The following RALY variants were observed in gnomAD, a reference collection of about 807,000 sequenced individuals.
The protein encoded by RALY is RALY heterogeneous nuclear ribonucleoprotein, also known as RNA-binding protein Raly.
Under a neutral mutation model 30.7 loss-of-function variants are expected in RALY, and 15 were observed. The ratio of observed to expected loss-of-function variants is 0.49; its 90% confidence interval spans 0.33 to 0.75. RALY has a LOEUF of 0.75. RALY is among the 30% of genes least tolerant of loss of function. The pLI, the probability that RALY is intolerant of heterozygous loss-of-function variation, is 0.02. For missense variants in RALY, 339 were observed against 414.3 expected, an observed-to-expected ratio of 0.82 and a Z score of 1.58; for synonymous variants, 177 against 170.8, an observed-to-expected ratio of 1.04 and a Z score of -0.28.
chr20:34,044,295 G>A (rs977107065), intron 2 of RALY, among the ~76,000 whole-genome samples: 2 of 152,032 alleles, frequency 1.3e-5, no homozygotes, highest in African/African-American at 4.8e-5. Context: ...CTATTTGTAC[G>A]AGTATGTAGC....
At chr20:34,055,123 G>A (rs959610056) in intron 2 of RALY, among the ~76,000 whole-genome samples, 3 of 152,122 alleles carry the variant, frequency 2.0e-5, no homozygotes, top group East Asian at 1.9e-4. Flanking sequence ...TACAGCCAAC[G>A]TATAGCAGAG....
intron 1 of RALY, among the ~76,000 whole-genome samples, chr20:34,017,979 TTC>T (rs1297699072): frequency 1.3e-5 from 2 of 152,084 alleles, no homozygotes; most frequent in African/African-American, 4.8e-5. Context: ...TGAATGGGGG[TTC>T]TCCTAGGGGA....
chr20:34,068,138 A>G (rs537011888), intron 2 of RALY, among the ~76,000 whole-genome samples: 4 of 152,272 alleles, frequency 2.6e-5, no homozygotes, highest in South Asian at 4.1e-4. Context: ...ACCAAGAACA[A>G]TCCTTCTACC....
Position 34,077,057 on chromosome 20 carries a change from G to T in RALY, c.688G>T (p.Ala230Ser). Residue 230 changes from alanine (A) to serine (S), a missense_variant, in exon 8 of 10, where the codon GCC (alanine) becomes TCC (serine). Ala to Ser is a moderately conservative substitution (Grantham distance 99). Around this residue, in one of 2 missense-constraint regions of RALY, gnomAD observed 268 missense variants for 280.6 expected, o/e 0.95. Coordinates refer to ENST00000246194, the MANE Select transcript of RALY (RefSeq NM_016732.3). The stretch of plus-strand genomic sequence containing the variant: ...CAAGAAGAAGGGTGATGGAGGTGGC[G>T]CCGGCGGCGGCGGCGGTGGTGGTGG... ...DGKKKGDGGGAGGGGGGGGSG... is the reference protein window; with the variant it reads ...DGKKKGDGGGSGGGGGGGGSG... 15 of 1,280,472 alleles carry T rather than the reference G, an allele frequency of 1.2e-5. No individual in the cohort carries two copies. The highest frequency in any genetic ancestry group is 1.6e-5 in the Non-Finnish European group (15 of 955,496). The allele number at this position is 1,280,472 out of a possible 1,614,324, so 79.3% of individuals were successfully genotyped here. A position where few individuals can be genotyped will look rare whatever the true frequency, so the allele number is the denominator to read the frequency against.
At chr20:34,039,196 G>T (rs2032607798) in intron 2 of RALY, among the ~76,000 whole-genome samples, 1 of 152,216 alleles carries the variant, frequency 6.6e-6, no homozygotes, top group Non-Finnish European at 1.5e-5. Flanking sequence ...ACAAAAAGCC[G>T]CTATCTATAG....
chr20:34,071,839 T>C (rs2033736647), intron 2 of RALY, among the ~76,000 whole-genome samples: 1 of 152,122 alleles, frequency 6.6e-6, no homozygotes, highest in African/African-American at 2.4e-5. Flanking sequence ...GCATATCATG[T>C]GAGTAACAAA....
At chr20:34,042,951 C>A (rs930879326) in intron 2 of RALY, among the ~76,000 whole-genome samples, 7 of 152,214 alleles carry the variant, frequency 4.6e-5, no homozygotes, top group African/African-American at 1.7e-4. Flanking sequence ...TTTTTGCCTT[C>A]CAAATTTTGG....
intron 2 of RALY, among the ~76,000 whole-genome samples, chr20:34,032,186 C>T (rs2032309084): frequency 6.6e-6 from 1 of 152,214 alleles, no homozygotes; most frequent in African/African-American, 2.4e-5. Context: ...TGGTCTCGAA[C>T]TCCCGACCTC....
intron 2 of RALY, among the ~76,000 whole-genome samples, chr20:34,064,679 T>C (rs2033518298): frequency 6.6e-6 from 1 of 152,174 alleles, no homozygotes. Context: ...GGAGATGACA[T>C]AGTAAAGAAC....
intron 2 of RALY, among the ~76,000 whole-genome samples, chr20:34,060,467 G>C (rs1388469184): frequency 1.3e-5 from 2 of 152,154 alleles, no homozygotes; most frequent in East Asian, 3.8e-4. Flanking sequence ...GTAGCAGCAG[G>C]AGCTAATATA....
At chr20:34,008,487 G>C (rs2031261645) in intron 1 of RALY, among the ~76,000 whole-genome samples, 1 of 152,168 alleles carries the variant, frequency 6.6e-6, no homozygotes, top group Admixed American at 6.5e-5. Flanking sequence ...TTCCATTTAG[G>C]GGAACCAAGC....
rs180783870 is a variant in RALY at position 34,054,620 on chromosome 20, G to A, written c.-9-17446G>A. Among the ~76,000 whole-genome samples, 480 of 152,272 alleles carry A rather than the reference G, an allele frequency of 3.2e-3. 12 individuals carry two copies. Among genetic ancestry groups the A allele is most frequent in the Admixed American group, 0.025 (382 of 15,288 alleles). On this transcript the variant is annotated intron_variant, in intron 2 of 9. Coordinates refer to ENST00000246194, the MANE Select transcript of RALY (RefSeq NM_016732.3). ...GCAGGTGGATCACTTGAGGTCAGGC[G>A]TTCGAGACCAGCCTGACCAATGTGG...
At chr20:34,074,328 C>T (rs536326199) in intron 5 of RALY, among the ~76,000 whole-genome samples, 3 of 152,256 alleles carry the variant, frequency 2.0e-5, no homozygotes, top group African/African-American at 4.8e-5. Flanking sequence ...TAGTCCCTGG[C>T]GGGCTGTGGT....
At chr20:34,058,005 C>G (rs2033304523) in intron 2 of RALY, among the ~76,000 whole-genome samples, 1 of 152,092 alleles carries the variant, frequency 6.6e-6, no homozygotes, top group Non-Finnish European at 1.5e-5. Flanking sequence ...ACACCTATTA[C>G]AGTTTTGGAG....
At chr20:34,012,027 C>A (rs909177473) in intron 1 of RALY, among the ~76,000 whole-genome samples, 5 of 151,026 alleles carry the variant, frequency 3.3e-5, no homozygotes, top group South Asian at 2.1e-4. Flanking sequence ...GCTTGCGCCA[C>A]TGCACTTCAG....
intron 1 of RALY, among the ~76,000 whole-genome samples, chr20:34,024,703 G>A (rs951902877): frequency 2.6e-5 from 4 of 152,180 alleles, no homozygotes; most frequent in Non-Finnish European, 1.5e-5. Flanking sequence ...TTGTTTGGGA[G>A]TATGGGAGGG....
chr20:34,007,895 T>A (rs999242879), intron 1 of RALY, among the ~76,000 whole-genome samples: 2 of 150,604 alleles, frequency 1.3e-5, no homozygotes, highest in Admixed American at 1.3e-4. Flanking sequence ...CATGTTATGG[T>A]GTGGTACTAG....
chr20:34,033,847 T>C (rs2032375421), intron 2 of RALY, among the ~76,000 whole-genome samples: 1 of 152,176 alleles, frequency 6.6e-6, no homozygotes, highest in Non-Finnish European at 1.5e-5. Flanking sequence ...AAATTTTCAC[T>C]GTAAATCTTC....
rs181410478 is a variant in RALY, at chr20:34,034,268, G to A, written c.-10+2664G>A. On this transcript the variant is annotated intron_variant, in intron 2 of 9. Transcript: ENST00000246194. ...CATCTTGTTCTCCCCCTTCACCAAC[G>A]ATGGGGGCCATTCTCTTCGCACTGT... is the stretch of plus-strand genomic sequence containing the variant. Among the ~76,000 whole-genome samples the A allele has an allele frequency of 5.9e-5, 9 of 152,238 alleles. No individual in the cohort carries two copies. In the East Asian group the frequency reaches 1.5e-3, roughly 26 times the overall value.
Sources: allele counts gnomAD v4.1 joint callset (sites outside exome capture counted in the v4.1 genomes callset), GRCh38; gene constraint gnomAD v4.1.1; regional missense constraint gnomAD v4.1.1; transcripts MANE v1.5; gene names NCBI Gene and HGNC (gene_info 2026-07-23, HGNC 2026-07-21).